The following LRRC49 variants were observed in gnomAD, a reference collection of about 807,000 sequenced individuals.
LRRC49 encodes leucine rich repeat containing 49.
A neutral mutation model predicts 83.3 loss-of-function variants in LRRC49; 50 were observed. The ratio of observed to expected loss-of-function variants is 0.60; its 90% confidence interval spans 0.48 to 0.76. The LOEUF (loss-of-function observed/expected upper bound fraction) is 0.76. LRRC49 is among the 30% of genes least tolerant of loss of function. The pLI is 0.00. For synonymous variants in LRRC49, 286 were observed against 283.3 expected (o/e 1.01, Z -0.10); for missense variants, 704 against 809.1 (o/e 0.87, Z 1.58).
intron 8 of LRRC49, among the ~76,000 whole-genome samples, chr15:70,942,135 T>G (rs1224413693): frequency 2.0e-5 from 3 of 151,798 alleles, no homozygotes; most frequent in African/African-American, 7.3e-5. Flanking sequence ...AACTAAGGCC[T>G]GGGAGCAGGC....
In LRRC49 at chr15:71,048,740, C is replaced by T. The variant is rs946730995; in HGVS notation, c.1858-669C>T. ...CACAATATTCAAATATCCTCAGCTCCAAAATTCCTCTGTTGTGTTTAGGAC... is the reference window on the plus strand; with the variant it reads ...CACAATATTCAAATATCCTCAGCTCTAAAATTCCTCTGTTGTGTTTAGGAC... On this transcript the variant is annotated intron_variant, in intron 15 of 15. Coordinates refer to ENST00000260382, the MANE Select transcript of LRRC49 (RefSeq NM_017691.5). The T allele has an allele frequency of 1.3e-4, 59 of 451,112 alleles. No homozygotes were observed. The Admixed American group carries it at 1.4e-3, about 11-fold the overall frequency. The allele number at this position is 451,112 out of a possible 1,614,324, so 27.9% of individuals were successfully genotyped here.
At chr15:71,047,561 C>T (rs2039888483) in intron 15 of LRRC49, among the ~76,000 whole-genome samples, 1 of 152,082 alleles carries the variant, frequency 6.6e-6, no homozygotes, top group Non-Finnish European at 1.5e-5. Flanking sequence ...AAAATTGTTT[C>T]AATTTGAGAG....
chr15:70,855,169 TA>T (rs372048204), intron 1 of LRRC49, among the ~76,000 whole-genome samples: 1 of 151,208 alleles, frequency 6.6e-6, no homozygotes. Context: ...CTGTCTTTAC[TA>T]AAAAAAATAC....
At chr15:70,991,550 C>T (rs1184838413) in intron 11 of LRRC49, among the ~76,000 whole-genome samples, 3 of 152,176 alleles carry the variant, frequency 2.0e-5, no homozygotes, top group Non-Finnish European at 2.9e-5. Flanking sequence ...GTATAGTACT[C>T]AGCATGTGGC....
intron 15 of LRRC49, 107 bp downstream of exon 15, chr15:71,037,439 T>C (rs1414465442): frequency 2.1e-6 from 2 of 931,202 alleles, no homozygotes; most frequent in Non-Finnish European, 3.2e-6. Context: ...TTTTTTGTTC[T>C]GGAATATTTG....
chr15:70,971,113 G>A (rs1455103457), intron 9 of LRRC49, among the ~76,000 whole-genome samples: 4 of 152,048 alleles, frequency 2.6e-5, no homozygotes, highest in Non-Finnish European at 5.9e-5. Flanking sequence ...TTTCTTCTGT[G>A]GCCATTTAGT....
At chr15:70,935,096 A>G (rs528961831) in intron 7 of LRRC49, among the ~76,000 whole-genome samples, 1 of 152,350 alleles carries the variant, frequency 6.6e-6, no homozygotes, top group African/African-American at 2.4e-5. Context: ...CAACATATGA[A>G]GTATATCACC....
At chr15:70,893,667 A>G in intron 2 of LRRC49, 27 bp downstream of exon 2, 1 of 1,571,394 alleles carries the variant, frequency 6.4e-7, no homozygotes, top group Non-Finnish European at 8.7e-7. Context: ...TTGGCATTTA[A>G]ATTGAAGATT....
At chr15:70,897,604 G>T (rs2033891328) in intron 3 of LRRC49, among the ~76,000 whole-genome samples, 1 of 152,152 alleles carries the variant, frequency 6.6e-6, no homozygotes, top group Non-Finnish European at 1.5e-5. Flanking sequence ...AGGGATGTCT[G>T]TCTAATAAAC....
At chr15:70,901,082 C>T (rs1156945731) in intron 4 of LRRC49, 58 bp downstream of exon 4, 5 of 984,816 alleles carry the variant, frequency 5.1e-6, no homozygotes, top group African/African-American at 1.6e-5. Context: ...AGACGTGGTA[C>T]AAGACTTGAA....
rs1176626523 is a variant in LRRC49 at position 70,986,838 on chromosome 15, G to A, written c.1169+2581G>A. On this transcript the variant is annotated intron_variant, in intron 11 of 15. Transcript: ENST00000260382. ...ATACCTAATTTATTGAGAGTTTTTA[G>A]CATGAAGGGCTGTTGAATTTTGTCA... 5.3e-5 allele frequency among the ~76,000 whole-genome samples: 8 copies of A among 152,270 alleles called. No homozygotes were observed. In the East Asian group the frequency reaches 1.5e-3, roughly 29 times the overall value.
intron 4 of LRRC49, among the ~76,000 whole-genome samples, chr15:70,901,242 C>T (rs2034065199): frequency 6.6e-6 from 1 of 152,110 alleles, no homozygotes; most frequent in South Asian, 2.1e-4. Flanking sequence ...GACTATACTT[C>T]ACAAGAGTAC....
chr15:70,975,979 G>T (rs1402475649), intron 9 of LRRC49, among the ~76,000 whole-genome samples: 1 of 152,190 alleles, frequency 6.6e-6, no homozygotes, highest in Non-Finnish European at 1.5e-5. Context: ...TGATTCTCAT[G>T]CTTCCTTCCC....
intron 9 of LRRC49, among the ~76,000 whole-genome samples, chr15:70,976,234 A>G (rs2037202270): frequency 6.6e-6 from 1 of 152,212 alleles, no homozygotes; most frequent in Admixed American, 6.5e-5. Flanking sequence ...AAGTCAGGTG[A>G]CATGGCTTCT....
chr15:70,986,461 T>C (rs1485117983), intron 11 of LRRC49, among the ~76,000 whole-genome samples: 1 of 152,178 alleles, frequency 6.6e-6, no homozygotes, highest in Non-Finnish European at 1.5e-5. Context: ...ATAAGAATGC[T>C]TGTGATTTTT....
chr15:70,907,718 A>G, intron 5 of LRRC49: 1 of 281,342 alleles, frequency 3.6e-6, no homozygotes, highest in Non-Finnish European at 7.2e-6. Context: ...CATCAGTAAC[A>G]TAATGTGGCC....
At chr15:70,935,855 C>T (rs2035576014) in intron 7 of LRRC49, among the ~76,000 whole-genome samples, 1 of 152,132 alleles carries the variant, frequency 6.6e-6, no homozygotes, top group Admixed American at 6.5e-5. Context: ...GGCCACCTTC[C>T]CACCACACCC....
intron 14 of LRRC49, among the ~76,000 whole-genome samples, chr15:71,032,408 G>A (rs1239490535): frequency 6.7e-6 from 1 of 150,290 alleles, no homozygotes; most frequent in Non-Finnish European, 1.5e-5. Context: ...CTGCAGACTG[G>A]AGCTGTTCCT....
At chr15:70,858,785 T>G (rs990847555) in intron 1 of LRRC49, 16 of 966,644 alleles carry the variant, frequency 1.7e-5, no homozygotes, top group African/African-American at 6.4e-5. Context: ...CAGCTGCTCC[T>G]ACACAAGTGG....
Sources: allele counts gnomAD v4.1 joint callset (sites outside exome capture counted in the v4.1 genomes callset), GRCh38; gene constraint gnomAD v4.1.1; transcripts MANE v1.5; gene names NCBI Gene and HGNC (gene_info 2026-07-23, HGNC 2026-07-21).